The following FAM120A variants were observed in gnomAD, a reference collection of about 807,000 sequenced individuals.
The protein encoded by FAM120A is constitutive coactivator of PPAR-gamma-like protein 1.
A neutral mutation model predicts 109.7 loss-of-function variants in FAM120A; 15 were observed. The observed-to-expected ratio is 0.14, with a 90% CI of 0.09 to 0.21. FAM120A has a LOEUF of 0.21. FAM120A is among the 10% of genes least tolerant of loss of function. The probability of loss-of-function intolerance (pLI) is 1.00; values close to 1 mark genes in which losing one functional copy is unlikely to be tolerated. For synonymous variants in FAM120A, 493 were observed against 572.8 expected (o/e 0.86, Z 1.99); for missense variants, 899 against 1,439.3 (o/e 0.62, Z 6.07).
At chr9:93,561,752 T>A (rs1862475455) in intron 16 of FAM120A, among the ~76,000 whole-genome samples, 1 of 152,124 alleles carries the variant, frequency 6.6e-6, no homozygotes, top group African/African-American at 2.4e-5. Context: ...TGTAATTATT[T>A]AATTAACCAT....
intron 11 of FAM120A, among the ~76,000 whole-genome samples, chr9:93,543,902 A>G (rs926978069): frequency 3.3e-5 from 5 of 152,212 alleles, no homozygotes; most frequent in African/African-American, 1.2e-4. Flanking sequence ...ATTTTGAGAA[A>G]TGTATCATTA....
At chr9:93,462,504 ACTC>A (rs1306446699) in intron 1 of FAM120A, among the ~76,000 whole-genome samples, 2 of 151,590 alleles carry the variant, frequency 1.3e-5, no homozygotes, top group African/African-American at 4.9e-5. Context: ...CTGGTCTTGA[ACTC>A]CTGACCTCAA....
At chr9:93,460,091 T>G (rs762998026) in intron 1 of FAM120A, among the ~76,000 whole-genome samples, 2 of 152,194 alleles carry the variant, frequency 1.3e-5, no homozygotes, top group Non-Finnish European at 2.9e-5. Flanking sequence ...TTTCTGAAAT[T>G]TATATGAATA....
At position 93,550,594 on chromosome 9, in the gene FAM120A, C is replaced by T. The variant is rs912900960; in HGVS notation, c.2177C>T (p.Pro726Leu). ...CCVLRYMVQW[P>L]GARILRRQEL... ...CTCACCAGGTACATGGTGCAGTGGC[C>T]GGGAGCACGCATCCTTCGGCGTCAG... The change falls in exon 12 of 18, where the codon CCG becomes CTG. Residue 726 changes from proline to leucine, a missense_variant. Physicochemically the swap from Pro to Leu is moderately conservative, Grantham distance 98. Transcript: ENST00000277165. The T allele has an allele frequency of 1.2e-6, 2 of 1,613,588 alleles. No homozygotes were observed. The highest frequency in any genetic ancestry group is 1.3e-5 in the African/African-American group (1 of 74,894).
Position 93,558,597 on chromosome 9 carries a change from A to G in FAM120A, c.2685A>G (p.Gly895=). ...GRGFAGVCGF[G]GPYGETVATG... ...GTCCCACAGGCGTCTGTGGCTTTGG[A>G]GGCCCCTATGGGGAAACGGTAGCAA... is the stretch of plus-strand genomic sequence containing the variant. The change falls in exon 15 of 18, where the codon GGA becomes GGG. Residue 895 remains glycine, a synonymous_variant. Coordinates refer to ENST00000277165, the MANE Select transcript of FAM120A (RefSeq NM_014612.5). 1.2e-6 allele frequency: 2 copies of G among 1,614,108 alleles called. No homozygotes were observed. Among genetic ancestry groups the G allele is most frequent in the Non-Finnish European group, 1.7e-6 (2 of 1,180,006 alleles).
intron 3 of FAM120A, among the ~76,000 whole-genome samples, chr9:93,483,253 C>T (rs1035755088): frequency 2.0e-5 from 3 of 151,830 alleles, no homozygotes; most frequent in South Asian, 2.1e-4. Context: ...CTTAATAAGT[C>T]GTTATATTAT....
intron 11 of FAM120A, among the ~76,000 whole-genome samples, chr9:93,546,203 T>C (rs1370155929): frequency 6.6e-6 from 1 of 152,194 alleles, no homozygotes; most frequent in African/African-American, 2.4e-5. Flanking sequence ...AGACTTTGGA[T>C]TCTGTGAGAT....
rs774639799 is a variant in FAM120A at position 93,557,810 on chromosome 9, T to C, written c.2485-17T>C. 1 of 1,608,182 alleles carries C rather than the reference T, an allele frequency of 6.2e-7. No individual in the cohort carries two copies. The highest frequency in any genetic ancestry group is 1.1e-5 in the South Asian group (1 of 90,616). ...CCCTGTGGATGGCATTTTCACATGC[T>C]GGTCCTTGTCTTCCAGGCTGATCAG... On this transcript the variant is annotated splice_polypyrimidine_tract_variant and intron_variant, in intron 13 of 17. Transcript: ENST00000277165.
At chr9:93,487,755 G>A (rs1437663817) in intron 3 of FAM120A, among the ~76,000 whole-genome samples, 1 of 152,210 alleles carries the variant, frequency 6.6e-6, no homozygotes, top group East Asian at 1.9e-4. Context: ...AGTAGTTACA[G>A]TATTGGAGGC....
intron 3 of FAM120A, among the ~76,000 whole-genome samples, chr9:93,487,855 G>A (rs1859132532): frequency 6.6e-6 from 1 of 152,090 alleles, no homozygotes; most frequent in Admixed American, 6.5e-5. Flanking sequence ...AAAAATGCTG[G>A]TGTCTGACTG....
At chr9:93,531,855 G>A (rs1861343032) in intron 9 of FAM120A, among the ~76,000 whole-genome samples, 1 of 152,166 alleles carries the variant, frequency 6.6e-6, no homozygotes, top group African/African-American at 2.4e-5. Context: ...CTTGTCTGAT[G>A]TTATCTGTCT....
intron 1 of FAM120A, among the ~76,000 whole-genome samples, chr9:93,455,556 A>T (rs1264814956): frequency 6.6e-6 from 1 of 152,228 alleles, no homozygotes; most frequent in Non-Finnish European, 1.5e-5. Flanking sequence ...AGTATATATA[A>T]TGTTGAGTAA....
chr9:93,551,774 C>T (rs1862107644), intron 12 of FAM120A, among the ~76,000 whole-genome samples: 2 of 152,050 alleles, frequency 1.3e-5, no homozygotes, highest in African/African-American at 4.8e-5. Flanking sequence ...CCTGAGACTT[C>T]TTGTGACTTA....
At position 93,461,819 on chromosome 9, in the gene FAM120A, G is replaced by T. The variant is rs76149773; in HGVS notation, c.475-9322G>T. Among the ~76,000 whole-genome samples, 1,006 of 152,170 alleles carry T rather than the reference G, an allele frequency of 6.6e-3. 14 individuals carry two copies. Among genetic ancestry groups the T allele is most frequent in the African/African-American group, 0.023 (969 of 41,508 alleles). On this transcript the variant is annotated intron_variant, in intron 1 of 17. Transcript: ENST00000277165. ...AAGGAAATGCTCACTGGAGCATTTT[G>T]GATTTTTGATTTTTGAATTTAGAAT...
chr9:93,468,444 G>A (rs1858153202), intron 1 of FAM120A, among the ~76,000 whole-genome samples: 1 of 152,208 alleles, frequency 6.6e-6, no homozygotes, highest in Non-Finnish European at 1.5e-5. Context: ...CCAAAGTGCT[G>A]TAGCAGAGAG....
chr9:93,493,313 G>A (rs1046372228), intron 3 of FAM120A, among the ~76,000 whole-genome samples: 52 of 152,182 alleles, frequency 3.4e-4, no homozygotes, highest in African/African-American at 1.3e-3. Flanking sequence ...ACAGCTCATA[G>A]ATCAGAAATG....
chr9:93,514,533 A>G (rs1257982050), intron 5 of FAM120A, among the ~76,000 whole-genome samples: 2 of 151,926 alleles, frequency 1.3e-5, no homozygotes, highest in African/African-American at 4.8e-5. Context: ...CAGGTTTTCT[A>G]TTTTCTCTGT....
At chr9:93,490,186 C>T (rs1859253258) in intron 3 of FAM120A, among the ~76,000 whole-genome samples, 1 of 152,230 alleles carries the variant, frequency 6.6e-6, no homozygotes, top group Admixed American at 6.5e-5. Flanking sequence ...ACTTCCCCTT[C>T]ACTGTTTTCC....
intron 1 of FAM120A, among the ~76,000 whole-genome samples, chr9:93,465,084 T>G (rs188375000): frequency 1.1e-4 from 17 of 152,322 alleles, no homozygotes; most frequent in Non-Finnish European, 1.5e-5. Flanking sequence ...GAAGACCAGA[T>G]GAACAGCAGG....
Sources: allele counts gnomAD v4.1 joint callset (sites outside exome capture counted in the v4.1 genomes callset), GRCh38; gene constraint gnomAD v4.1.1; transcripts MANE v1.5; gene names NCBI Gene and HGNC (gene_info 2026-07-23, HGNC 2026-07-21).